Variants in PCDH11X observed in about 807,000 individuals in gnomAD.
The protein encoded by PCDH11X is protocadherin-11 X-linked.
PCDH11X carries 18 observed loss-of-function variants against 53.3 expected under a neutral mutation model. The observed-to-expected ratio is 0.34, with a 90% CI of 0.23 to 0.50. The LOEUF (loss-of-function observed/expected upper bound fraction) is 0.50, where lower values mean the gene tolerates loss of function less well. PCDH11X is among the 20% of genes least tolerant of loss of function. The pLI is 0.98. For synonymous variants in PCDH11X, 279 were observed against 393.3 expected (o/e 0.71, Z 3.44); for missense variants, 570 against 1,032.4 (o/e 0.55, Z 6.14).
intron 7 of PCDH11X, among the ~76,000 whole-genome samples, chrX:92,261,629 A>T (rs2067716960): frequency 9.5e-6 from 1 of 105,732 alleles, no homozygotes; most frequent in African/African-American, 3.8e-5. Flanking sequence ...GTAATTTCTA[A>T]TGAAACTAAA....
At chrX:92,020,738 T>G (rs2062870666) in intron 6 of PCDH11X, among the ~76,000 whole-genome samples, 1 of 110,255 alleles carries the variant, frequency 9.1e-6, no homozygotes, top group Admixed American at 9.6e-5. Context: ...GCCACCCAAC[T>G]GGGTGAGACC....
chrX:92,110,000 G>C (rs1407882429), intron 6 of PCDH11X, among the ~76,000 whole-genome samples: 5 of 112,273 alleles, frequency 4.5e-5, no homozygotes, highest in Non-Finnish European at 9.4e-5. Flanking sequence ...TTTAGCTATT[G>C]ACCGATGGAG....
chrX:92,209,157 C>T (rs2066534758), intron 7 of PCDH11X, among the ~76,000 whole-genome samples: 2 of 111,558 alleles, frequency 1.8e-5, no homozygotes, highest in Non-Finnish European at 3.8e-5. Context: ...CCTCCCAAAT[C>T]TCATGTCTTT....
At chrX:92,564,972 C>T (rs1921294192) in intron 10 of PCDH11X, among the ~76,000 whole-genome samples, 1 of 110,832 alleles carries the variant, frequency 9.0e-6, no homozygotes, top group Non-Finnish European at 1.9e-5. Context: ...TCTGAATAGA[C>T]ATTTCTCAAA....
Position 92,576,001 on chromosome X carries a change from TATATATATATACACACAC to T in PCDH11X, c.3368-42261_3368-42244del, listed in dbSNP as rs1167378063. Among the ~76,000 whole-genome samples, 18 of 38,324 alleles carry T rather than the reference TATATATATATACACACAC, an allele frequency of 4.7e-4. 2 individuals carry two copies. The highest frequency in any genetic ancestry group is 2.0e-3 in the African/African-American group (18 of 9,095). 33.3% of individuals were successfully genotyped at this position (38,324 alleles called of 115,157 possible). On this transcript the variant is annotated intron_variant, in intron 10 of 10. Transcript: ENST00000682573. ...GTGTATATATATATATATATATATATATATATATATACACACACACACACACACACACACACAGGTGCT... is the reference window on the plus strand; with the variant it reads ...GTGTATATATATATATATATATATATACACACACACACACACACAGGTGCT...
At chrX:92,248,569 TC>T (rs1317963888) in intron 7 of PCDH11X, among the ~76,000 whole-genome samples, 14 of 111,970 alleles carry the variant, frequency 1.3e-4, no homozygotes, top group African/African-American at 4.2e-4. Context: ...AGTTGTCATT[TC>T]TTTTTGTTGG....
At chrX:92,408,834 G>A (rs1176840608) in intron 9 of PCDH11X, among the ~76,000 whole-genome samples, 3 of 108,177 alleles carry the variant, frequency 2.8e-5, no homozygotes, top group African/African-American at 6.8e-5. Flanking sequence ...CGCCCGCCTC[G>A]GCCTCCCAAA....
intron 8 of PCDH11X, among the ~76,000 whole-genome samples, chrX:92,274,564 A>G (rs991558450): frequency 9.0e-5 from 10 of 111,320 alleles, no homozygotes; most frequent in African/African-American, 3.0e-4. Flanking sequence ...CTGACTCCGG[A>G]CATGTTGAGT....
chrX:92,216,833 A>C (rs867114251), intron 7 of PCDH11X, among the ~76,000 whole-genome samples: 1 of 104,253 alleles, frequency 9.6e-6, no homozygotes, highest in Non-Finnish European at 2.0e-5. Flanking sequence ...AGGGAAGCCC[A>C]TCAGACTAAC....
intron 9 of PCDH11X, among the ~76,000 whole-genome samples, chrX:92,463,430 T>C (rs1176958733): frequency 9.1e-6 from 1 of 110,198 alleles, no homozygotes; most frequent in African/African-American, 3.3e-5. Flanking sequence ...TTTGGATATA[T>C]GTATTGTTTT....
At chrX:91,782,959 G>T (rs1026746815) in intron 1 of PCDH11X, among the ~76,000 whole-genome samples, 1 of 111,694 alleles carries the variant, frequency 9.0e-6, no homozygotes, top group Non-Finnish European at 1.9e-5. Context: ...GGGAGGGGCA[G>T]AGGCAGGGCG....
chrX:92,429,528 AG>A (rs1186461638), intron 9 of PCDH11X, among the ~76,000 whole-genome samples: 1 of 106,862 alleles, frequency 9.4e-6, no homozygotes, highest in Non-Finnish European at 1.9e-5. Flanking sequence ...ACGAAAAGCT[AG>A]GACAGGTAGT....
intron 7 of PCDH11X, among the ~76,000 whole-genome samples, chrX:92,242,912 T>C (rs2067285950): frequency 9.0e-6 from 1 of 111,460 alleles, no homozygotes; most frequent in African/African-American, 3.3e-5. Flanking sequence ...ATTTACTCTT[T>C]GTTGAAATAG....
intron 9 of PCDH11X, chrX:92,460,666 G>T (rs2073020472): frequency 3.2e-6 from 3 of 926,337 alleles, no homozygotes; most frequent in East Asian, 6.5e-5. Context: ...TACAGATGGT[G>T]CAGCTCATCG....
chrX:92,221,208 A>T (rs1380099487), intron 7 of PCDH11X, among the ~76,000 whole-genome samples: 8 of 9,800 alleles, frequency 8.2e-4, no homozygotes, highest in Non-Finnish European at 7.9e-3. Context: ...ATAATAATAA[A>T]AAAATAAATA....
chrX:92,318,092 G>A (rs2069119619), intron 8 of PCDH11X, among the ~76,000 whole-genome samples: 1 of 109,719 alleles, frequency 9.1e-6, no homozygotes, highest in African/African-American at 3.3e-5. Context: ...ATATTTATTT[G>A]TTCCTAAAAA....
intron 9 of PCDH11X, among the ~76,000 whole-genome samples, chrX:92,418,259 A>G (rs1474598658): frequency 9.0e-6 from 1 of 110,509 alleles, no homozygotes; most frequent in African/African-American, 3.3e-5. Context: ...TGTCAAATAA[A>G]GCAAATTTTT....
chrX:92,542,091 T>C (rs1410057834), intron 10 of PCDH11X, among the ~76,000 whole-genome samples: 1 of 112,201 alleles, frequency 8.9e-6, no homozygotes, highest in East Asian at 2.8e-4. Context: ...TATATAATTA[T>C]ATTTTATAGC....
intron 10 of PCDH11X, among the ~76,000 whole-genome samples, chrX:92,575,314 C>T (rs762521458): frequency 2.7e-5 from 3 of 109,562 alleles, no homozygotes; most frequent in East Asian, 5.7e-4. Context: ...TTAAATTACA[C>T]ACTATTTAAA....
Sources: allele counts gnomAD v4.1 joint callset (sites outside exome capture counted in the v4.1 genomes callset), GRCh38; gene constraint gnomAD v4.1.1; transcripts MANE v1.5; gene names NCBI Gene and HGNC (gene_info 2026-07-23, HGNC 2026-07-21).